The following CACNA2D3 variants were observed in gnomAD, a reference collection of about 807,000 sequenced individuals.
The protein encoded by CACNA2D3 is voltage-dependent calcium channel subunit alpha-2/delta-3.
A neutral mutation model predicts 160.6 loss-of-function variants in CACNA2D3; 60 were observed. The observed-to-expected ratio is 0.37, with a 90% CI of 0.30 to 0.46. The LOEUF (loss-of-function observed/expected upper bound fraction) is 0.46, where lower values mean the gene tolerates loss of function less well. Among genes scored for constraint, CACNA2D3 ranks in the 20% least tolerant of loss-of-function variants. The probability of loss-of-function intolerance (pLI) is 1.00; values close to 1 mark genes in which losing one functional copy is unlikely to be tolerated. For synonymous variants in CACNA2D3, 558 were observed against 492.9 expected, an observed-to-expected ratio of 1.13 and a Z score of -1.75; for missense variants, 1,205 against 1,365.0, an observed-to-expected ratio of 0.88 and a Z score of 1.85.
chr3:54,894,510 C>T (rs1700140105), intron 25 of CACNA2D3: 2 of 461,078 alleles, frequency 4.3e-6, no homozygotes, highest in South Asian at 3.1e-5. Context: ...AACCAAGCCA[C>T]CATCTCATCT....
At chr3:54,710,143 C>A (rs1329365878) in intron 11 of CACNA2D3, among the ~76,000 whole-genome samples, 1 of 152,064 alleles carries the variant, frequency 6.6e-6, no homozygotes, top group Non-Finnish European at 1.5e-5. Context: ...GAATTAGCAC[C>A]TATGAATAGC....
intron 4 of CACNA2D3, among the ~76,000 whole-genome samples, chr3:54,454,149 C>G (rs1700356948): frequency 6.6e-6 from 1 of 152,118 alleles, no homozygotes; most frequent in Non-Finnish European, 1.5e-5. Flanking sequence ...TGTGGTAGCC[C>G]TAACTGATCA....
intron 17 of CACNA2D3, among the ~76,000 whole-genome samples, chr3:54,851,280 G>C (rs1011172186): frequency 6.6e-6 from 1 of 152,194 alleles, no homozygotes; most frequent in South Asian, 2.1e-4. Context: ...GAAGGGGAGG[G>C]GAGGTCCAGG....
rs1701485795 is a variant in CACNA2D3 at position 54,217,679 on chromosome 3, G to T, written c.204+94085G>T. Among the ~76,000 whole-genome samples the T allele has an allele frequency of 2.0e-5, 3 of 152,192 alleles. No homozygotes were observed. In the South Asian group the frequency reaches 6.2e-4, roughly 32 times the overall value. On this transcript the variant is annotated intron_variant, in intron 2 of 37. Transcript: ENST00000474759. ...GAATGCCAGCAGCCACCAGAAGCTGGAAGGGGTGAGGAATGGATGCTGCTT... is the reference window on the plus strand; with the variant it reads ...GAATGCCAGCAGCCACCAGAAGCTGTAAGGGGTGAGGAATGGATGCTGCTT...
intron 3 of CACNA2D3, among the ~76,000 whole-genome samples, chr3:54,348,079 G>A (rs1336563414): frequency 6.6e-6 from 1 of 152,098 alleles, no homozygotes; most frequent in Non-Finnish European, 1.5e-5. Context: ...TCTGCTCTTG[G>A]GTTCATTGGA....
intron 4 of CACNA2D3, among the ~76,000 whole-genome samples, chr3:54,408,512 C>T (rs1001789186): frequency 1.3e-5 from 2 of 152,130 alleles, no homozygotes; most frequent in Non-Finnish European, 2.9e-5. Flanking sequence ...TAGAAAGACC[C>T]ATCTGCTTTA....
chr3:55,041,744 G>A (rs9832539), intron 35 of CACNA2D3, among the ~76,000 whole-genome samples: 90,472 of 151,686 alleles, frequency 0.6, 27,282 homozygotes, highest in Admixed American at 0.64. Flanking sequence ...TTCTTAAGGT[G>A]AAAGCTTAGA....
intron 2 of CACNA2D3, among the ~76,000 whole-genome samples, chr3:54,205,417 A>G (rs1480067329): frequency 6.6e-6 from 1 of 152,244 alleles, no homozygotes; most frequent in Non-Finnish European, 1.5e-5. Flanking sequence ...AAAGCAGCTC[A>G]TAACGCTAAG....
chr3:54,886,450 A>T (rs113068837), intron 23 of CACNA2D3, among the ~76,000 whole-genome samples: 3,484 of 152,310 alleles, frequency 0.023, 128 homozygotes, highest in African/African-American at 0.079. Context: ...GACAATATGA[A>T]TAATACATTT....
chr3:55,043,265 A>G (rs1323174128), intron 35 of CACNA2D3, among the ~76,000 whole-genome samples: 1 of 151,800 alleles, frequency 6.6e-6, no homozygotes, highest in Non-Finnish European at 1.5e-5. Context: ...TATCCTTGCC[A>G]GCTCTTGGTA....
chr3:54,366,153 G>C (rs1193922264), intron 3 of CACNA2D3, among the ~76,000 whole-genome samples: 1 of 152,216 alleles, frequency 6.6e-6, no homozygotes, highest in Non-Finnish European at 1.5e-5. Context: ...AGAGTAAGGA[G>C]GCATTTTTCT....
chr3:54,898,779 T>A (rs1460123339), intron 26 of CACNA2D3, among the ~76,000 whole-genome samples: 1 of 152,212 alleles, frequency 6.6e-6, no homozygotes, highest in African/African-American at 2.4e-5. Context: ...TGTAATGGTA[T>A]AATGAAGTGA....
intron 9 of CACNA2D3, among the ~76,000 whole-genome samples, chr3:54,591,571 T>G (rs1702860103): frequency 6.6e-6 from 1 of 150,432 alleles, no homozygotes; most frequent in South Asian, 2.1e-4. Flanking sequence ...AAAAAAGTTT[T>G]TTTTTTTTTT....
At chr3:54,618,374 TGCACAC>T (rs1267211642) in intron 9 of CACNA2D3, among the ~76,000 whole-genome samples, 40 of 54,576 alleles carry the variant, frequency 7.3e-4, no homozygotes, top group Admixed American at 4.5e-3. Context: ...TATATATATA[TGCACAC>T]ACACACACAC....
chr3:54,173,974 G>A (rs1228156902), intron 2 of CACNA2D3, among the ~76,000 whole-genome samples: 3 of 152,210 alleles, frequency 2.0e-5, no homozygotes, highest in Non-Finnish European at 4.4e-5. Flanking sequence ...AAACTGTCCA[G>A]ATGTGTTTGA....
chr3:54,864,169 C>T (rs2106806444), intron 17 of CACNA2D3, among the ~76,000 whole-genome samples: 1 of 152,260 alleles, frequency 6.6e-6, no homozygotes, highest in East Asian at 1.9e-4. Flanking sequence ...ACAAGGGTTC[C>T]CTGAGGCCCT....
Position 54,896,860 on chromosome 3 carries a change from A to G in CACNA2D3, c.2358A>G (p.Pro786=), listed in dbSNP as rs111313442. Residue 786 remains proline (P), a synonymous_variant, in exon 26 of 38, where the codon CCA becomes CCG. Coordinates refer to ENST00000474759, the MANE Select transcript of CACNA2D3 (RefSeq NM_018398.3). ...CAGGGAGCTTCGTCTACTCGATCCCATTCAGCACTGGTGGGTGCCCTTGTT... is the reference window on the plus strand; with the variant it reads ...CAGGGAGCTTCGTCTACTCGATCCCGTTCAGCACTGGTGGGTGCCCTTGTT... The part of the protein sequence containing the change: ...QIPGSFVYSI[P]FSTGPVNKSN... 4.7e-4 allele frequency: 765 copies of G among 1,613,974 alleles called. 2 individuals carry two copies. The African/African-American group carries it at 9.0e-3, about 19-fold the overall frequency.
chr3:54,839,945 G>C lies in CACNA2D3; in HGVS notation c.1551+1297G>C, dbSNP rs192077286. Among the ~76,000 whole-genome samples, 554 of 152,250 alleles carry C rather than the reference G, an allele frequency of 3.6e-3. 12 individuals are homozygous for C. The highest frequency in any genetic ancestry group is 0.033 in the Admixed American group (505 of 15,300). ...CACATAATAAATATTGGAAACTGTA[G>C]TTCCTGAGAAACTAAAAGTCAAAGA... On this transcript the variant is annotated intron_variant, in intron 16 of 37. Coordinates refer to ENST00000474759, the MANE Select transcript of CACNA2D3 (RefSeq NM_018398.3).
intron 33 of CACNA2D3, 32 bp downstream of exon 33, chr3:55,007,874 G>C: frequency 6.9e-7 from 1 of 1,444,650 alleles, no homozygotes; most frequent in East Asian, 2.6e-5. Context: ...TTTTTGAAAA[G>C]TATTAATATT....
Sources: gnomAD v4.1 joint callset for allele counts (sites outside exome capture counted in the v4.1 genomes callset) on GRCh38, gnomAD v4.1.1 for gene constraint, MANE v1.5 for transcripts, NCBI Gene and HGNC (gene_info 2026-07-23, HGNC 2026-07-21) for gene names.